Variants in SPATA6 observed in about 807,000 individuals in gnomAD.
SPATA6 encodes spermatogenesis-associated protein 6.
Under a neutral mutation model 65.3 loss-of-function variants are expected in SPATA6, and 56 were observed. That is an observed-to-expected ratio of 0.86 (90% confidence interval 0.69 to 1.07). The LOEUF is 1.07. Among genes scored for constraint, SPATA6 ranks in the 50% least tolerant of loss-of-function variants. SPATA6 has a pLI of 0.00. For synonymous variants in SPATA6, 199 were observed against 213.2 expected, an observed-to-expected ratio of 0.93 and a Z score of 0.58; for missense variants, 590 against 594.8, an observed-to-expected ratio of 0.99 and a Z score of 0.08.
chr1:48,349,453 T>A (rs1272591244), intron 11 of SPATA6, among the ~76,000 whole-genome samples: 1 of 152,006 alleles, frequency 6.6e-6, no homozygotes, highest in Admixed American at 6.6e-5. Flanking sequence ...TATTGTCATA[T>A]TCATCAATTA....
At chr1:48,309,096 G>T (rs1645134520) in intron 11 of SPATA6, among the ~76,000 whole-genome samples, 1 of 151,976 alleles carries the variant, frequency 6.6e-6, no homozygotes, top group Admixed American at 6.6e-5. Context: ...CTCAAGTGTG[G>T]ATCTATTTGA....
intron 9 of SPATA6, among the ~76,000 whole-genome samples, chr1:48,361,137 T>C (rs929163977): frequency 1.3e-5 from 2 of 152,132 alleles, no homozygotes; most frequent in African/African-American, 2.4e-5. Flanking sequence ...TTAGAGGTAT[T>C]GCACTGGGTG....
chr1:48,262,749 C>T, the SPATA6 span: 1 of 152,100 alleles, frequency 6.6e-6, no homozygotes, highest in African/African-American at 2.4e-5. Context: ...CAAGTTACCT[C>T]AAAGTTTTTA....
intron 9 of SPATA6, among the ~76,000 whole-genome samples, chr1:48,370,013 T>C (rs1222951089): frequency 2.0e-5 from 3 of 152,204 alleles, no homozygotes; most frequent in Admixed American, 6.5e-5. Context: ...ATACCACACG[T>C]ATGAAATAAG....
At chr1:48,411,112 A>T (rs1652186241) in intron 5 of SPATA6, among the ~76,000 whole-genome samples, 1 of 152,190 alleles carries the variant, frequency 6.6e-6, no homozygotes, top group Admixed American at 6.5e-5. Context: ...AGACAGAGAG[A>T]CAGAGATGGG....
At chr1:48,301,348 A>T (rs1337624657) in intron 12 of SPATA6, among the ~76,000 whole-genome samples, 1 of 152,008 alleles carries the variant, frequency 6.6e-6, no homozygotes, top group East Asian at 1.9e-4. Context: ...TAAAACACTG[A>T]TGAAAGAAAC....
At chr1:48,269,743 T>C in the SPATA6 span, among the ~76,000 whole-genome samples, 1 of 151,648 alleles carries the variant, frequency 6.6e-6, no homozygotes, top group Non-Finnish European at 1.5e-5. Context: ...ATATAATAAA[T>C]ATGCAAAGTA....
chr1:48,344,542 A>T (rs1646309044), intron 11 of SPATA6, among the ~76,000 whole-genome samples: 1 of 152,128 alleles, frequency 6.6e-6, no homozygotes, highest in African/African-American at 2.4e-5. Flanking sequence ...ACTAAACTTA[A>T]ATCTAAATGG....
chr1:48,275,242 G>A, the SPATA6 span, among the ~76,000 whole-genome samples: 1 of 152,176 alleles, frequency 6.6e-6, no homozygotes, highest in Non-Finnish European at 1.5e-5. Context: ...ATTTTGGGCT[G>A]AGATGATGGG....
intron 1 of SPATA6, among the ~76,000 whole-genome samples, chr1:48,469,537 T>C (rs1658072472): frequency 6.6e-6 from 1 of 151,424 alleles, no homozygotes; most frequent in Non-Finnish European, 1.5e-5. Context: ...TGTATCTGTT[T>C]ATATCAAAAC....
chr1:48,396,405 A>T (rs1650589557), intron 7 of SPATA6, among the ~76,000 whole-genome samples: 1 of 151,732 alleles, frequency 6.6e-6, no homozygotes, highest in Non-Finnish European at 1.5e-5. Context: ...AGTTGAAAGC[A>T]GGGCCTCAAA....
intron 9 of SPATA6, among the ~76,000 whole-genome samples, chr1:48,363,583 C>G (rs1220026067): frequency 2.0e-5 from 3 of 151,924 alleles, no homozygotes; most frequent in African/African-American, 4.8e-5. Context: ...AGCATTTATA[C>G]TTCAGCATAA....
chr1:48,261,994 A>C, the SPATA6 span, among the ~76,000 whole-genome samples: 1 of 152,240 alleles, frequency 6.6e-6, no homozygotes, highest in East Asian at 1.9e-4. Context: ...ATAAAGGAGA[A>C]GGGAATAAAA....
intron 3 of SPATA6, among the ~76,000 whole-genome samples, chr1:48,450,340 GAAA>G (rs35798267): frequency 2.2e-5 from 3 of 138,000 alleles, no homozygotes; most frequent in Non-Finnish European, 1.6e-5. Context: ...GAGAGCCCAA[GAAA>G]AAAAAAAAAA....
chr1:48,282,016 C>A, the SPATA6 span, among the ~76,000 whole-genome samples: 1 of 152,168 alleles, frequency 6.6e-6, no homozygotes, highest in Non-Finnish European at 1.5e-5. Context: ...ACAGAGCCCT[C>A]AGAAATAACG....
chr1:48,414,248 T>C (rs1037457196), intron 3 of SPATA6, among the ~76,000 whole-genome samples: 1 of 152,232 alleles, frequency 6.6e-6, no homozygotes, highest in Non-Finnish European at 1.5e-5. Flanking sequence ...GTTCTCACTA[T>C]AAATACTGGA....
At chr1:48,381,553 C>G (rs1222079927) in intron 9 of SPATA6, among the ~76,000 whole-genome samples, 2 of 148,022 alleles carry the variant, frequency 1.4e-5, no homozygotes, top group South Asian at 2.1e-4. Context: ...ACCAGTAGCA[C>G]AAAATAGTTT....
intron 3 of SPATA6, among the ~76,000 whole-genome samples, chr1:48,446,372 A>G (rs1201102652): frequency 6.6e-6 from 1 of 152,232 alleles, no homozygotes; most frequent in East Asian, 1.9e-4. Flanking sequence ...GCTTCACTAT[A>G]GAACCATCCA....
At chr1:48,335,619 T>C (rs904534003) in intron 11 of SPATA6, among the ~76,000 whole-genome samples, 1 of 152,076 alleles carries the variant, frequency 6.6e-6, no homozygotes, top group Non-Finnish European at 1.5e-5. Flanking sequence ...TTAAAACATA[T>C]GCAAAAATCA....
Sources: gnomAD v4.1 joint callset for allele counts (sites outside exome capture counted in the v4.1 genomes callset) on GRCh38, gnomAD v4.1.1 for gene constraint, MANE v1.5 for transcripts, NCBI Gene and HGNC (gene_info 2026-07-23, HGNC 2026-07-21) for gene names.